XIRP2: variants seen among roughly 807,000 people sequenced by gnomAD.
XIRP2 encodes xin actin-binding repeat-containing protein 2.
In XIRP2, 236 loss-of-function variants were observed where a neutral mutation model predicts 277.0. The observed-to-expected ratio is 0.85, with a 90% confidence interval of 0.77 to 0.95. The LOEUF is 0.95. Among genes scored for constraint, XIRP2 ranks in the 40% least tolerant of loss-of-function variants. The probability of loss-of-function intolerance (pLI) is 0.00; values close to 1 mark genes in which losing one functional copy is unlikely to be tolerated. For missense variants in XIRP2, 4,640 were observed against 4,157.5 expected (o/e 1.12, Z -3.19); for synonymous variants, 1,490 against 1,416.5 (o/e 1.05, Z -1.17).
At chr2:166,941,869 A>T (rs898877478) in intron 2 of XIRP2, among the ~76,000 whole-genome samples, 1 of 152,216 alleles carries the variant, frequency 6.6e-6, no homozygotes, top group East Asian at 1.9e-4. Context: ...TTACATTTTC[A>T]TACAAATCTT....
chr2:167,250,907 C>T lies in XIRP2; in HGVS notation c.9515C>T (p.Pro3172Leu). ...KSEIHRANTSPSPPRSRSEQL... is the reference protein window; with the variant it reads ...KSEIHRANTSLSPPRSRSEQL... The stretch of plus-strand genomic sequence containing the variant: ...GAAATTCACAGAGCAAACACTTCCC[C>T]TTCTCCACCCAGGAGTCGCTCTGAA... Residue 3172 changes from proline (P) to leucine (L), a missense_variant, in exon 9 of 11, where the codon CCT (proline) becomes CTT (leucine). By Grantham distance (98) the Pro-to-Leu change is moderately conservative (BLOSUM62 -3). Transcript: ENST00000409195. 1 of 1,613,422 alleles carries T rather than the reference C, an allele frequency of 6.2e-7. No homozygotes were observed. The highest frequency in any genetic ancestry group is 8.5e-7 in the Non-Finnish European group (1 of 1,179,690).
chr2:166,918,270 C>T (rs996320907), intron 2 of XIRP2, among the ~76,000 whole-genome samples: 4 of 151,862 alleles, frequency 2.6e-5, no homozygotes, highest in Non-Finnish European at 4.4e-5. Context: ...GTGGACTTCC[C>T]GTGATTAGAC....
intron 3 of XIRP2, among the ~76,000 whole-genome samples, chr2:167,194,215 G>A (rs1693433971): frequency 6.6e-6 from 1 of 151,730 alleles, no homozygotes; most frequent in African/African-American, 2.4e-5. Context: ...CCTAGTAGCT[G>A]GGATTACAGG....
At chr2:167,033,689 C>A (rs1439684381) in intron 2 of XIRP2, among the ~76,000 whole-genome samples, 1 of 151,978 alleles carries the variant, frequency 6.6e-6, no homozygotes, top group Non-Finnish European at 1.5e-5. Context: ...CAGCAGACTT[C>A]TCAGTGGAAA....
At chr2:167,087,864 C>T (rs1436740379) in intron 2 of XIRP2, among the ~76,000 whole-genome samples, 2 of 152,292 alleles carry the variant, frequency 1.3e-5, no homozygotes, top group Non-Finnish European at 2.9e-5. Context: ...TGAGATGAAC[C>T]CGGTACCTCA....
chr2:167,192,284 G>T (rs904122460), intron 3 of XIRP2, among the ~76,000 whole-genome samples: 4 of 152,054 alleles, frequency 2.6e-5, no homozygotes, highest in Admixed American at 2.6e-4. Context: ...ATTAAATTTT[G>T]ATAAGTAGAG....
chr2:167,037,916 A>C (rs1688556862), intron 2 of XIRP2, among the ~76,000 whole-genome samples: 1 of 151,964 alleles, frequency 6.6e-6, no homozygotes, highest in African/African-American at 2.4e-5. Context: ...TTTAATAATA[A>C]ATTTTTTATA....
intron 2 of XIRP2, among the ~76,000 whole-genome samples, chr2:167,105,111 G>A (rs1444913991): frequency 1.3e-5 from 2 of 151,744 alleles, no homozygotes; most frequent in Non-Finnish European, 2.9e-5. Context: ...TTTATTTTTA[G>A]ATAATTGTAG....
chr2:167,000,223 T>G (rs1270237108), intron 2 of XIRP2, among the ~76,000 whole-genome samples: 1 of 152,132 alleles, frequency 6.6e-6, no homozygotes, highest in Non-Finnish European at 1.5e-5. Flanking sequence ...CTACTTTATG[T>G]TGTCTTTCTC....
intron 2 of XIRP2, among the ~76,000 whole-genome samples, chr2:166,913,314 C>CG (rs946134411): frequency 1.2e-4 from 16 of 130,470 alleles, no homozygotes; most frequent in Non-Finnish European, 2.4e-4. Context: ...GTGGGCACCC[C>CG]CCCCCCCCAG....
chr2:167,038,916 CA>C (rs564226995), intron 2 of XIRP2, among the ~76,000 whole-genome samples: 7 of 151,782 alleles, frequency 4.6e-5, no homozygotes, highest in Admixed American at 1.3e-4. Flanking sequence ...CATTAAAAAA[CA>C]AAAAAAATCT....
chr2:166,986,457 G>A (rs1313031743), intron 2 of XIRP2, among the ~76,000 whole-genome samples: 3 of 152,188 alleles, frequency 2.0e-5, no homozygotes, highest in Non-Finnish European at 4.4e-5. Flanking sequence ...TACACGTTGC[G>A]TGACATTCAT....
rs1465302006 is a variant in XIRP2, at chr2:167,258,475, T to C, written c.*658T>C. 1 of 1,613,124 alleles carries C rather than the reference T, an allele frequency of 6.2e-7. No homozygotes were observed. Among genetic ancestry groups the C allele is most frequent in the Non-Finnish European group, 8.5e-7 (1 of 1,179,648 alleles). On this transcript the variant is annotated 3_prime_UTR_variant, in exon 11 of 11. Coordinates refer to ENST00000409195, the MANE Select transcript of XIRP2 (RefSeq NM_152381.6). ...GGAAGAATGTGCAAGATAGGCCGAG[T>C]GAAGCTGAAGACACAAAGAGTAACA... is the stretch of plus-strand genomic sequence containing the variant.
intron 3 of XIRP2, among the ~76,000 whole-genome samples, chr2:167,208,936 T>A (rs1325562872): frequency 2.0e-5 from 3 of 152,222 alleles, no homozygotes; most frequent in Admixed American, 1.3e-4. Flanking sequence ...TGAATTCATC[T>A]GTGCAGATAG....
At chr2:167,055,649 T>C (rs1304822550) in intron 2 of XIRP2, among the ~76,000 whole-genome samples, 1 of 152,146 alleles carries the variant, frequency 6.6e-6, no homozygotes, top group Non-Finnish European at 1.5e-5. Flanking sequence ...TTACCTAATA[T>C]TAAGAAACCC....
intron 5 of XIRP2, among the ~76,000 whole-genome samples, chr2:167,228,204 A>G (rs116668085): frequency 0.019 from 2,824 of 152,092 alleles, 86 homozygotes; most frequent in African/African-American, 0.065. Flanking sequence ...ATAACTCTCA[A>G]CCTCTGCTAG....
At chr2:167,127,092 C>A (rs1377092394) in intron 2 of XIRP2, among the ~76,000 whole-genome samples, 2 of 152,156 alleles carry the variant, frequency 1.3e-5, no homozygotes, top group East Asian at 1.9e-4. Flanking sequence ...CTCCTAATTG[C>A]CCAAATTTGG....
intron 8 of XIRP2, 98 bp downstream of exon 8, chr2:167,242,008 CA>C (rs202135352): frequency 9.0e-4 from 1,235 of 1,366,180 alleles, no homozygotes; most frequent in South Asian, 2.0e-3. Flanking sequence ...GGCTTTTCAA[CA>C]AAAAAAAATT....
In XIRP2 at chr2:167,248,729, T is replaced by C. The variant is rs761342798; in HGVS notation, c.7337T>C (p.Leu2446Pro). The change falls in exon 9 of 11, where the codon CTG (leucine) becomes CCG (proline). Residue 2446 changes from leucine to proline, a missense_variant. Leu to Pro is a moderately conservative substitution (Grantham distance 98). Coordinates refer to ENST00000409195, the MANE Select transcript of XIRP2 (RefSeq NM_152381.6). Reference protein sequence around the residue: ...NKNDFSPKVELATSLSDMECK... With the variant: ...NKNDFSPKVEPATSLSDMECK... Reference sequence around the variant, plus strand: ...AACGATTTTTCCCCCAAAGTTGAACTGGCAACCTCCCTGTCAGATATGGAA... The same window carrying C: ...AACGATTTTTCCCCCAAAGTTGAACCGGCAACCTCCCTGTCAGATATGGAA... 6 of 1,613,754 alleles carry C rather than the reference T, an allele frequency of 3.7e-6. 1 individual carries two copies. In the South Asian group the frequency reaches 5.5e-5, roughly 15 times the overall value.
Sources: allele counts gnomAD v4.1 joint callset (sites outside exome capture counted in the v4.1 genomes callset), GRCh38; gene constraint gnomAD v4.1.1; transcripts MANE v1.5; gene names NCBI Gene and HGNC (gene_info 2026-07-23, HGNC 2026-07-21).